Variants in PPM1H observed in about 807,000 individuals in gnomAD.
The protein encoded by PPM1H is protein phosphatase 1H.
A neutral mutation model predicts 54.9 loss-of-function variants in PPM1H; 27 were observed. The ratio of observed to expected loss-of-function variants is 0.49; its 90% CI spans 0.36 to 0.68. The LOEUF is 0.68. PPM1H is among the 30% of genes least tolerant of loss of function. The pLI is 0.00. For synonymous variants in PPM1H, 305 were observed against 270.8 expected (o/e 1.13, Z -1.24); for missense variants, 596 against 667.8 (o/e 0.89, Z 1.19).
intron 4 of PPM1H, among the ~76,000 whole-genome samples, chr12:62,758,112 C>G (rs562420274): frequency 1.3e-5 from 2 of 152,348 alleles, no homozygotes; most frequent in South Asian, 4.1e-4. Flanking sequence ...ACCATAATTA[C>G]AATTACTTTC....
intron 4 of PPM1H, among the ~76,000 whole-genome samples, chr12:62,738,698 G>A (rs2076364064): frequency 1.3e-5 from 2 of 152,194 alleles, no homozygotes; most frequent in Admixed American, 6.5e-5. Flanking sequence ...CAGCTCCCAG[G>A]CATCAGGGAG....
chr12:62,767,548 G>T (rs2076551643), intron 4 of PPM1H, among the ~76,000 whole-genome samples: 1 of 152,196 alleles, frequency 6.6e-6, no homozygotes. Context: ...ATTGGCTTGG[G>T]CATAGTCGCA....
chr12:62,791,988 G>A (rs544841303), intron 3 of PPM1H, among the ~76,000 whole-genome samples: 1 of 152,344 alleles, frequency 6.6e-6, no homozygotes, highest in South Asian at 2.1e-4. Context: ...TGTGAATGAT[G>A]TTTGTTTGAT....
intron 6 of PPM1H, among the ~76,000 whole-genome samples, chr12:62,711,092 A>G (rs552669409): frequency 5.3e-5 from 8 of 152,272 alleles, no homozygotes; most frequent in African/African-American, 1.9e-4. Flanking sequence ...CCTGGGCTCA[A>G]GTGTTCTGCC....
intron 4 of PPM1H, among the ~76,000 whole-genome samples, chr12:62,767,565 TTCTGCCAGC>T (rs2076551846): frequency 6.6e-6 from 1 of 152,200 alleles, no homozygotes; most frequent in Non-Finnish European, 1.5e-5. Context: ...CGCAGGGGTA[TTCTGCCAGC>T]TTCAGCATGC....
At chr12:62,847,853 A>G (rs1869033198) in intron 1 of PPM1H, among the ~76,000 whole-genome samples, 1 of 152,154 alleles carries the variant, frequency 6.6e-6, no homozygotes, top group African/African-American at 2.4e-5. Flanking sequence ...AAAAAAACAA[A>G]TCATCACTCC....
chr12:62,893,463 CT>C (rs200390227), intron 1 of PPM1H, among the ~76,000 whole-genome samples: 2 of 151,132 alleles, frequency 1.3e-5, no homozygotes, highest in Non-Finnish European at 3.0e-5. Flanking sequence ...CTCATTTAAC[CT>C]TTTTTTTTCT....
At chr12:62,911,896 C>T (rs1465695011) in intron 1 of PPM1H, among the ~76,000 whole-genome samples, 1 of 152,212 alleles carries the variant, frequency 6.6e-6, no homozygotes, top group African/African-American at 2.4e-5. Context: ...CAATGACACC[C>T]CTTATCGCCT....
At chr12:62,909,705 G>A (rs997390283) in intron 1 of PPM1H, among the ~76,000 whole-genome samples, 8 of 152,074 alleles carry the variant, frequency 5.3e-5, no homozygotes, top group African/African-American at 1.7e-4. Context: ...GCACTTACAG[G>A]TAGCTGTCAT....
At position 62,648,407 on chromosome 12, in the gene PPM1H, G is replaced by T; in HGVS notation, c.*82C>A. The T allele has an allele frequency of 6.5e-7, 1 of 1,532,428 alleles. No homozygotes were observed. The highest frequency in any genetic ancestry group is 8.9e-7 in the Non-Finnish European group (1 of 1,121,606). 94.9% of individuals were successfully genotyped at this position (1,532,428 alleles called of 1,614,324 possible). On this transcript the variant is annotated 3_prime_UTR_variant, in exon 10 of 10. Coordinates refer to ENST00000228705, the MANE Select transcript of PPM1H (RefSeq NM_020700.2). ...AAGAGACTGCATCACTTGGAACTCAGCTGGGGCACTTCCCAGTTCCGTCCT... is the reference window on the plus strand; with the variant it reads ...AAGAGACTGCATCACTTGGAACTCATCTGGGGCACTTCCCAGTTCCGTCCT...
chr12:62,848,576 A>G (rs1869060550), intron 1 of PPM1H, among the ~76,000 whole-genome samples: 1 of 152,226 alleles, frequency 6.6e-6, no homozygotes, highest in African/African-American at 2.4e-5. Flanking sequence ...ATTCAAACTC[A>G]GTAGATCTAA....
intron 1 of PPM1H, among the ~76,000 whole-genome samples, chr12:62,868,362 G>A (rs1198806083): frequency 6.6e-6 from 1 of 152,084 alleles, no homozygotes; most frequent in Non-Finnish European, 1.5e-5. Context: ...TTCCTGCTAG[G>A]GCCATCCACA....
At chr12:62,715,392 T>C (rs1368118976) in intron 6 of PPM1H, among the ~76,000 whole-genome samples, 1 of 150,990 alleles carries the variant, frequency 6.6e-6, no homozygotes, top group East Asian at 2.0e-4. Context: ...CTGGGGGCAC[T>C]GCGAAGAGAA....
intron 8 of PPM1H, among the ~76,000 whole-genome samples, chr12:62,670,014 G>A (rs531397617): frequency 1.3e-5 from 1 of 79,570 alleles, no homozygotes; most frequent in East Asian, 3.7e-4. Context: ...TTTTGCTCTT[G>A]TTGCCCAGGC....
intron 4 of PPM1H, among the ~76,000 whole-genome samples, chr12:62,762,416 C>T (rs73314544): frequency 0.016 from 2,429 of 152,286 alleles, 69 homozygotes; most frequent in African/African-American, 0.054. Context: ...TTCAGAAGCT[C>T]GCCTTCCTCC....
intron 9 of PPM1H, among the ~76,000 whole-genome samples, chr12:62,653,129 GTCAT>G: frequency 6.6e-6 from 1 of 152,108 alleles, no homozygotes; most frequent in East Asian, 1.9e-4. Flanking sequence ...AATGGCTTTT[GTCAT>G]TGATAGCTTT....
chr12:62,664,571 A>C (rs1385151253), intron 9 of PPM1H, among the ~76,000 whole-genome samples: 1 of 152,328 alleles, frequency 6.6e-6, no homozygotes, highest in African/African-American at 2.4e-5. Flanking sequence ...CTCCCTTGAC[A>C]ATTTGTACGC....
rs572434763 is a variant in PPM1H, at chr12:62,752,981, G to C, written c.870-15395C>G. On this transcript the variant is annotated intron_variant, in intron 4 of 9. Transcript: ENST00000228705. ...ATTTGGGGCATATGTGTGATGTCAG[G>C]TGGAGGGGCTGGTGAAGACACAGTT... Among the ~76,000 whole-genome samples the C allele has an allele frequency of 6.6e-5, 10 of 152,346 alleles. No homozygotes were observed. The East Asian group carries it at 1.5e-3, about 23-fold the overall frequency.
intron 8 of PPM1H, among the ~76,000 whole-genome samples, chr12:62,673,890 T>G (rs1436121697): frequency 1.3e-5 from 2 of 151,738 alleles, no homozygotes; most frequent in Non-Finnish European, 2.9e-5. Context: ...CTATACTTTT[T>G]TACTTTTTGT....
Sources: gnomAD v4.1 joint callset for allele counts (sites outside exome capture counted in the v4.1 genomes callset) on GRCh38, gnomAD v4.1.1 for gene constraint, MANE v1.5 for transcripts, NCBI Gene and HGNC (gene_info 2026-07-23, HGNC 2026-07-21) for gene names.